CSMD1: variants seen among roughly 807,000 people sequenced by gnomAD.
CSMD1 encodes CUB and Sushi multiple domains 1.
In CSMD1, 213 loss-of-function variants were observed where a neutral mutation model predicts 417.5. That is an observed-to-expected ratio of 0.51 (90% confidence interval 0.46 to 0.57). CSMD1 has a LOEUF of 0.57. CSMD1 is among the 20% of genes least tolerant of loss of function. The pLI is 0.00. For missense variants in CSMD1, 6,923 were observed against 4,529.7 expected, an observed-to-expected ratio of 1.53 and a Z score of -15.17; for synonymous variants, 2,862 against 1,736.8, an observed-to-expected ratio of 1.65 and a Z score of -16.11.
chr8:4,096,007 A>G (rs1412689768), intron 3 of CSMD1, among the ~76,000 whole-genome samples: 4 of 152,152 alleles, frequency 2.6e-5, no homozygotes. Flanking sequence ...TCAGAAACAT[A>G]GGAAAGGATA....
intron 3 of CSMD1, among the ~76,000 whole-genome samples, chr8:4,413,434 CA>C (rs1796756199): frequency 1.3e-5 from 2 of 152,146 alleles, no homozygotes; most frequent in African/African-American, 4.8e-5. Context: ...TAGGGCAGTT[CA>C]GCGTCTCTCT....
At chr8:4,157,868 G>C (rs1056748521) in intron 3 of CSMD1, among the ~76,000 whole-genome samples, 3 of 152,176 alleles carry the variant, frequency 2.0e-5, no homozygotes, top group East Asian at 1.9e-4. Context: ...AGTTGGGCTT[G>C]GTCCTATCCT....
chr8:3,906,887 T>C (rs550276305), intron 5 of CSMD1, among the ~76,000 whole-genome samples: 1 of 152,336 alleles, frequency 6.6e-6, no homozygotes, highest in Admixed American at 6.5e-5. Context: ...CAAGTCTTTC[T>C]AGGCAGCTCC....
At chr8:3,785,478 T>A (rs989564041) in intron 5 of CSMD1, among the ~76,000 whole-genome samples, 4 of 152,206 alleles carry the variant, frequency 2.6e-5, no homozygotes, top group Admixed American at 2.6e-4. Flanking sequence ...CTAAGGCTTG[T>A]ACTCTAGTGT....
intron 49 of CSMD1, among the ~76,000 whole-genome samples, chr8:3,063,035 C>T (rs924751666): frequency 6.6e-6 from 1 of 152,108 alleles, no homozygotes; most frequent in Non-Finnish European, 1.5e-5. Flanking sequence ...AACTCTGATT[C>T]GGATGCCAAC....
chr8:3,710,824 C>A (rs748289931), intron 6 of CSMD1, among the ~76,000 whole-genome samples: 17 of 152,134 alleles, frequency 1.1e-4, no homozygotes, highest in Non-Finnish European at 1.8e-4. Flanking sequence ...GAAGACTATG[C>A]AGAATTTGAA....
intron 7 of CSMD1, among the ~76,000 whole-genome samples, chr8:3,655,926 A>G (rs1388439028): frequency 2.6e-5 from 4 of 152,188 alleles, no homozygotes; most frequent in Admixed American, 2.0e-4. Flanking sequence ...AATGAAGAGC[A>G]GGACTGGAGC....
intron 12 of CSMD1, among the ~76,000 whole-genome samples, chr8:3,460,516 G>C (rs920493334): frequency 1.3e-5 from 2 of 152,060 alleles, no homozygotes; most frequent in East Asian, 1.9e-4. Context: ...GAGCAAAATA[G>C]AAGAGTTTAG....
chr8:3,462,039 C>G (rs547477367), intron 12 of CSMD1, among the ~76,000 whole-genome samples: 6 of 152,242 alleles, frequency 3.9e-5, no homozygotes, highest in Admixed American at 3.3e-4. Flanking sequence ...AAGCTGTTTC[C>G]AGATGGAGAA....
chr8:4,015,392 A>G (rs969877247), intron 4 of CSMD1, among the ~76,000 whole-genome samples: 2 of 152,144 alleles, frequency 1.3e-5, no homozygotes, highest in Admixed American at 1.3e-4. Context: ...CAGAATGCCT[A>G]TGATTAAAAA....
intron 37 of CSMD1, among the ~76,000 whole-genome samples, chr8:3,172,394 C>G (rs555027082): frequency 3.9e-4 from 60 of 152,180 alleles, no homozygotes; most frequent in Middle Eastern, 6.8e-3. Flanking sequence ...TACTTTTAAT[C>G]TGAGGCATTG....
At chr8:3,323,358 T>C (rs182301946) in intron 23 of CSMD1, among the ~76,000 whole-genome samples, 2 of 152,240 alleles carry the variant, frequency 1.3e-5, no homozygotes, top group East Asian at 3.9e-4. Flanking sequence ...ATTTTATCTC[T>C]ATTTATTTTT....
chr8:4,780,002 C>G (rs976344197), intron 1 of CSMD1, among the ~76,000 whole-genome samples: 7 of 151,730 alleles, frequency 4.6e-5, no homozygotes, highest in Non-Finnish European at 8.8e-5. Flanking sequence ...ATTCTTTTCT[C>G]TTCTCTTTCA....
At chr8:4,345,215 A>G (rs78828966) in intron 3 of CSMD1, among the ~76,000 whole-genome samples, 4,671 of 152,232 alleles carry the variant, frequency 0.031, 219 homozygotes, top group African/African-American at 0.11. Flanking sequence ...GCTAACATAT[A>G]TTAGCAGCTA....
At chr8:4,783,868 C>CT (rs1263358553) in intron 1 of CSMD1, among the ~76,000 whole-genome samples, 2 of 152,184 alleles carry the variant, frequency 1.3e-5, no homozygotes, top group Admixed American at 1.3e-4. Flanking sequence ...AAAGCAAATA[C>CT]TTTATGTCGG....
chr8:3,953,421 G>C (rs1217526590), intron 5 of CSMD1, among the ~76,000 whole-genome samples: 1 of 152,138 alleles, frequency 6.6e-6, no homozygotes, highest in Non-Finnish European at 1.5e-5. Context: ...TATATAGAAT[G>C]TTTCTACTCA....
intron 5 of CSMD1, among the ~76,000 whole-genome samples, chr8:3,803,910 G>T (rs547106591): frequency 3.9e-5 from 6 of 152,188 alleles, no homozygotes; most frequent in African/African-American, 4.8e-5. Context: ...AAGGAGAGAA[G>T]GTTAAGAGAC....
chr8:4,291,540 T>TA (rs1288252206), intron 3 of CSMD1, among the ~76,000 whole-genome samples: 3 of 152,152 alleles, frequency 2.0e-5, no homozygotes, highest in Non-Finnish European at 2.9e-5. Flanking sequence ...GATTTACACA[T>TA]AAAAAAATTG....
intron 2 of CSMD1, among the ~76,000 whole-genome samples, chr8:4,507,724 G>A (rs1026310273): frequency 6.6e-6 from 1 of 152,166 alleles, no homozygotes; most frequent in Non-Finnish European, 1.5e-5. Context: ...ACATTTTCAA[G>A]CTAAGAGGTA....
Sources: gnomAD v4.1 joint callset for allele counts (sites outside exome capture counted in the v4.1 genomes callset) on GRCh38, gnomAD v4.1.1 for gene constraint, MANE v1.5 for transcripts, NCBI Gene and HGNC (gene_info 2026-07-23, HGNC 2026-07-21) for gene names.